The following JAKMIP3 variants were observed in gnomAD, a reference collection of about 807,000 sequenced individuals.
JAKMIP3 encodes Janus kinase and microtubule interacting protein 3, also known as janus kinase and microtubule-interacting protein 3.
In JAKMIP3, 58 loss-of-function variants were observed where a neutral mutation model predicts 118.5. That is an observed-to-expected ratio of 0.49 (90% CI 0.40 to 0.61). JAKMIP3 has a LOEUF of 0.61. Among genes scored for constraint, JAKMIP3 ranks in the 20% least tolerant of loss-of-function variants. The pLI, the probability that JAKMIP3 is intolerant of heterozygous loss-of-function variation, is 0.00. For synonymous variants in JAKMIP3, 486 were observed against 451.2 expected (o/e 1.08, Z -0.98); for missense variants, 950 against 1,109.0 (o/e 0.86, Z 2.04).
Position 132,149,329 on chromosome 10 carries a change from C to T in JAKMIP3, c.1849-83C>T, listed in dbSNP as rs375437033. ...GATCCCTGGTTCCATGGTCTTGGCC[C>T]GTGTTCCTCAGGCCCCAGCACAGTC... On this transcript the variant is annotated intron_variant, in intron 14 of 23. Transcript: ENST00000684848. 24 of 882,410 alleles carry T rather than the reference C, an allele frequency of 2.7e-5. No individual in the cohort carries two copies. The East Asian group carries it at 4.1e-4, about 15-fold the overall frequency. 54.7% of individuals were successfully genotyped at this position (882,410 alleles called of 1,614,324 possible).
At chr10:132,144,108 G>A (rs1349047443) in intron 11 of JAKMIP3, 1 of 146,010 alleles carries the variant, frequency 6.8e-6, no homozygotes, top group Admixed American at 6.8e-5. Context: ...CCTCTCCCTT[G>A]GAAGCTATCC....
chr10:132,053,679 C>A (rs1007149636), intron 1 of JAKMIP3, among the ~76,000 whole-genome samples: 1 of 152,178 alleles, frequency 6.6e-6, no homozygotes, highest in African/African-American at 2.4e-5. Context: ...TCTTCCAGTC[C>A]TCATTGTTTC....
At chr10:132,054,393 C>T (rs975876966) in intron 1 of JAKMIP3, among the ~76,000 whole-genome samples, 5 of 152,082 alleles carry the variant, frequency 3.3e-5, no homozygotes, top group Non-Finnish European at 7.4e-5. Context: ...TGTGAAGAAG[C>T]TCAGAGAAAA....
In JAKMIP3 at chr10:132,180,759, G is replaced by GCA. The variant is rs1491103609; in HGVS notation, c.*1104-1597_*1104-1596insAC. ...TGTGCGTGCGTGCGCGCGCGTGTGT[G>GCA]CGTGTGTGTGCGTGTGTGTGTGTGC... On this transcript the variant is annotated intron_variant, in intron 23 of 23. Transcript: ENST00000684848. Among the ~76,000 whole-genome samples, 49 of 32,266 alleles carry GCA rather than the reference G, an allele frequency of 1.5e-3. 10 individuals carry two copies. Among genetic ancestry groups the GCA allele is most frequent in the African/African-American group, 6.5e-3 (44 of 6,746 alleles). The allele number at this position is 32,266 out of a possible 152,430, so 21.2% of individuals were successfully genotyped here. A position where few individuals can be genotyped will look rare whatever the true frequency, so the allele number is the denominator to read the frequency against.
rs567346981 is a variant in JAKMIP3 at position 132,049,036 on chromosome 10, T to G, written c.-138+12298T>G. The stretch of plus-strand genomic sequence containing the variant: ...TTGCCACATTGTTTCTTTACTTCTC[T>G]GCATGTCCTGAAAGCCTGCTGCTGG... On this transcript the variant is annotated intron_variant, in intron 1 of 23. Transcript: ENST00000657785. This position sits in a 1 kb window ranked among gnomAD's most constrained non-coding sequence, Gnocchi z 4.3. 2.1e-4 allele frequency among the ~76,000 whole-genome samples: 32 copies of G among 152,244 alleles called. 1 individual carries two copies. The highest frequency in any genetic ancestry group is 7.5e-4 in the African/African-American group (31 of 41,536).
chr10:132,166,447 G>A (rs994360547), intron 21 of JAKMIP3, among the ~76,000 whole-genome samples: 1 of 152,136 alleles, frequency 6.6e-6, no homozygotes, highest in African/African-American at 2.4e-5. Context: ...CCGACCCCCA[G>A]CCCAGAGTGA....
At chr10:132,066,501 G>A (rs11146143) in intron 1 of JAKMIP3, among the ~76,000 whole-genome samples, 8,185 of 152,226 alleles carry the variant, frequency 0.054, 443 homozygotes, top group East Asian at 0.25. Context: ...TGCGGCGTCC[G>A]GGTGCTTCCT....
intron 1 of JAKMIP3, among the ~76,000 whole-genome samples, chr10:132,069,661 A>G (rs1442958726): frequency 6.6e-6 from 1 of 151,870 alleles, no homozygotes; most frequent in Non-Finnish European, 1.5e-5. Flanking sequence ...AAAGAGCGCA[A>G]TTGGCAGGTG....
chr10:132,134,701 C>G (rs2051367247), intron 4 of JAKMIP3, among the ~76,000 whole-genome samples: 1 of 152,254 alleles, frequency 6.6e-6, no homozygotes, highest in African/African-American at 2.4e-5. Flanking sequence ...ATCACCCACA[C>G]TCGCGGTTTC....
intron 1 of JAKMIP3, among the ~76,000 whole-genome samples, chr10:132,040,331 CT>C (rs1462749876): frequency 6.6e-6 from 1 of 152,144 alleles, no homozygotes; most frequent in Non-Finnish European, 1.5e-5. Context: ...CGAGAAATGT[CT>C]TGTTTAGGCT....
intron 5 of JAKMIP3, 40 bp downstream of exon 5, chr10:132,135,200 G>T: frequency 6.4e-7 from 1 of 1,570,096 alleles, no homozygotes; most frequent in South Asian, 1.1e-5. Context: ...GGGGGTTTGT[G>T]ACTGCGGAGC....
At chr10:132,120,347 C>T (rs527776013) in intron 3 of JAKMIP3, among the ~76,000 whole-genome samples, 74 of 152,244 alleles carry the variant, frequency 4.9e-4, no homozygotes, top group African/African-American at 1.7e-3. Flanking sequence ...ACATCCCATC[C>T]GCGGTGTGAC....
rs752796687 is a variant in JAKMIP3, at chr10:132,117,624, TGGGCGAGGGTGCAGGGGC to T, written c.633+56_633+73del. On this transcript the variant is annotated intron_variant, in intron 3 of 23. Coordinates refer to ENST00000684848, the MANE Select transcript of JAKMIP3 (RefSeq NM_001323087.2). This position sits in a 1 kb window ranked among gnomAD's most constrained non-coding sequence, Gnocchi z 8.6. ...GTGGGCGAGGGTGCAGGGGCGGGCG[TGGGCGAGGGTGCAGGGGC>T]GGGCGTGGGCGAGGGTGCAGGCGTG... 34 of 1,039,790 alleles carry T rather than the reference TGGGCGAGGGTGCAGGGGC, an allele frequency of 3.3e-5. 1 individual carries two copies. The highest frequency in any genetic ancestry group is 4.9e-5 in the African/African-American group (3 of 61,546). The allele number at this position is 1,039,790 out of a possible 1,614,324, so 64.4% of individuals were successfully genotyped here. A position where few individuals can be genotyped will look rare whatever the true frequency, so the allele number is the denominator to read the frequency against.
At chr10:132,154,026 G>T in intron 19 of JAKMIP3, 36 bp downstream of exon 19, 1 of 1,602,374 alleles carries the variant, frequency 6.2e-7, no homozygotes, top group Non-Finnish European at 8.5e-7. Context: ...CCCGGGGAGG[G>T]GCACTGGGCT....
At chr10:132,090,417 C>T (rs1011150140) in intron 1 of JAKMIP3, among the ~76,000 whole-genome samples, 3 of 152,150 alleles carry the variant, frequency 2.0e-5, no homozygotes, top group South Asian at 4.1e-4. Flanking sequence ...AGAGATTCAA[C>T]TTCTTCCTGG....
rs1554963421 is a variant in JAKMIP3, at chr10:132,180,750, C to CGCGCGT, written c.*1104-1604_*1104-1603insCGTGCG. Among the ~76,000 whole-genome samples the CGCGCGT allele has an allele frequency of 1.6e-4, 2 of 12,700 alleles. 1 individual carries two copies. The highest frequency in any genetic ancestry group is 2.4e-4 in the Non-Finnish European group (2 of 8,414). 8.3% of individuals were successfully genotyped at this position (12,700 alleles called of 152,430 possible). A position where few individuals can be genotyped will look rare whatever the true frequency, so the allele number is the denominator to read the frequency against. The stretch of plus-strand genomic sequence containing the variant: ...GTGTGCGTGTGTGCGTGCGTGCGCG[C>CGCGCGT]GCGTGTGTGCGTGTGTGTGCGTGTG... On this transcript the variant is annotated intron_variant, in intron 23 of 23. Coordinates refer to ENST00000684848, the MANE Select transcript of JAKMIP3 (RefSeq NM_001323087.2).
At chr10:132,067,178 G>A (rs908049647) in intron 1 of JAKMIP3, among the ~76,000 whole-genome samples, 1 of 151,584 alleles carries the variant, frequency 6.6e-6, no homozygotes, top group African/African-American at 2.4e-5. Flanking sequence ...TTTGGATGAG[G>A]TTCCCTAAGA....
chr10:132,183,257 C>T lies in JAKMIP3; in HGVS notation c.*2004C>T, dbSNP rs1431174727. On this transcript the variant is annotated 3_prime_UTR_variant, in exon 24 of 24. Transcript: ENST00000684848. ...CATCCAGAAATATGTTGTAACTCTA[C>T]CTGGCTCCCTGCCAGCCTGGCCTCC... 2 of 152,234 alleles carry T rather than the reference C, an allele frequency of 1.3e-5. No homozygotes were observed. Among genetic ancestry groups the T allele is most frequent in the South Asian group, 2.1e-4 (1 of 4,834 alleles). The allele number at this position is 152,234 out of a possible 1,614,324, so 9.4% of individuals were successfully genotyped here.
At chr10:132,064,737 A>G (rs1190033493), upstream of JAKMIP3, among the ~76,000 whole-genome samples, 2 of 152,084 alleles carry the variant, frequency 1.3e-5, no homozygotes, top group East Asian at 3.9e-4. The surrounding 1 kb of genome is among the most constrained non-coding windows in gnomAD (Gnocchi z 4.4). Flanking sequence ...AATCAGGACA[A>G]TTTTTTGCTT....
Sources: allele counts gnomAD v4.1 joint callset (sites outside exome capture counted in the v4.1 genomes callset), GRCh38; gene constraint gnomAD v4.1.1; non-coding constraint Gnocchi (gnomAD v3.1); transcripts MANE v1.5; gene names NCBI Gene and HGNC (gene_info 2026-07-23, HGNC 2026-07-21).